ZC3H12D: variants seen among roughly 807,000 people sequenced by gnomAD.
ZC3H12D encodes probable ribonuclease ZC3H12D.
A neutral mutation model predicts 24.2 loss-of-function variants in ZC3H12D; 11 were observed. The observed-to-expected ratio is 0.46, with a 90% CI of 0.29 to 0.75. The LOEUF is 0.75. ZC3H12D is among the 30% of genes least tolerant of loss of function. The pLI, the probability that ZC3H12D is intolerant of heterozygous loss-of-function variation, is 0.11. For missense variants in ZC3H12D, 740 were observed against 767.7 expected (o/e 0.96, Z 0.43); for synonymous variants, 333 against 341.8 (o/e 0.97, Z 0.28).
chr6:149,480,603 G>A (rs745742829), intron 1 of ZC3H12D, among the ~76,000 whole-genome samples: 3 of 152,204 alleles, frequency 2.0e-5, no homozygotes, highest in Non-Finnish European at 2.9e-5. Flanking sequence ...GGGCGTGGTG[G>A]CGCATGCCTT....
At chr6:149,462,649 C>T (rs1381966277) in intron 2 of ZC3H12D, among the ~76,000 whole-genome samples, 1 of 152,178 alleles carries the variant, frequency 6.6e-6, no homozygotes, top group African/African-American at 2.4e-5. Flanking sequence ...GAGGCCAACC[C>T]TCCCTCAATC....
chr6:149,457,210 C>T (rs769046070), intron 3 of ZC3H12D, among the ~76,000 whole-genome samples: 8 of 152,216 alleles, frequency 5.3e-5, no homozygotes, highest in Non-Finnish European at 1.5e-5. Flanking sequence ...CAGCCCTTGT[C>T]CTTTTGAGGG....
intron 2 of ZC3H12D, among the ~76,000 whole-genome samples, chr6:149,467,654 C>T (rs1343657413): frequency 6.6e-6 from 1 of 152,130 alleles, no homozygotes; most frequent in Admixed American, 6.6e-5. Flanking sequence ...AGGAAGTGAC[C>T]TTGTCCCCAT....
At chr6:149,458,606 A>G in intron 3 of ZC3H12D, among the ~76,000 whole-genome samples, 1 of 152,224 alleles carries the variant, frequency 6.6e-6, no homozygotes, top group East Asian at 1.9e-4. Flanking sequence ...AGAAGAGGCA[A>G]GGACCTCTTC....
chr6:149,451,077 T>C lies in ZC3H12D; in HGVS notation c.1190A>G (p.Gln397Arg). The C allele has an allele frequency of 7.2e-7, 1 of 1,397,254 alleles. No individual in the cohort carries two copies. Among genetic ancestry groups the C allele is most frequent in the Non-Finnish European group, 9.2e-7 (1 of 1,081,414 alleles). 86.6% of individuals were successfully genotyped at this position (1,397,254 alleles called of 1,614,324 possible). Residue 397 changes from glutamine to arginine, a missense_variant, in exon 6 of 6, where the codon CAG becomes CGG. Transcript: ENST00000409806. ...GPLSLPSPESQFSPGDLPPPP... is the reference protein window; with the variant it reads ...GPLSLPSPESRFSPGDLPPPP... ...AGGCGGGAGGTCGCCCGGGGAGAACTGGCTCTCCGGGCTAGGGAGGCTGAG... is the reference window on the plus strand; with the variant it reads ...AGGCGGGAGGTCGCCCGGGGAGAACCGGCTCTCCGGGCTAGGGAGGCTGAG...
Position 149,466,021 on chromosome 6 carries a change from A to G in ZC3H12D, c.306-4051T>C, listed in dbSNP as rs528587432. On this transcript the variant is annotated intron_variant, in intron 2 of 5. Coordinates refer to ENST00000409806, the MANE Select transcript of ZC3H12D (RefSeq NM_207360.3). ...GTTTCTGCAAGGCTGCCTTGGAGGA[A>G]CATGACTTGGAGGAGAAGTGAGTCT... Among the ~76,000 whole-genome samples, 36 of 152,290 alleles carry G rather than the reference A, an allele frequency of 2.4e-4. 1 individual carries two copies. In the Middle Eastern group the frequency reaches 0.024, roughly 101 times the overall value.
Position 149,450,523 on chromosome 6 carries a change from A to G in ZC3H12D, c.*160T>C, listed in dbSNP as rs76605937. On this transcript the variant is annotated 3_prime_UTR_variant, in exon 6 of 6. Transcript: ENST00000409806. ...GATCACCAAGTGCCACCAGGCCCCC[A>G]CAACCCCGCTCAGGAGGAGGAAGCA... 4.0e-3 allele frequency: 3,198 copies of G among 797,424 alleles called. 64 individuals are homozygous for G. In the African/African-American group the frequency reaches 0.051, roughly 13 times the overall value. The allele number at this position is 797,424 out of a possible 1,614,324, so 49.4% of individuals were successfully genotyped here.
intron 3 of ZC3H12D, among the ~76,000 whole-genome samples, chr6:149,460,084 G>GT (rs1356936636): frequency 1.3e-5 from 2 of 152,196 alleles, no homozygotes; most frequent in African/African-American, 4.8e-5. Context: ...ACACTCTTCT[G>GT]TGCTGCCAGT....
At position 149,448,572 on chromosome 6, in the gene ZC3H12D, C is replaced by T. The variant is rs1167391749; in HGVS notation, c.*2111G>A. 1 of 152,126 alleles carries T rather than the reference C, an allele frequency of 6.6e-6. No homozygotes were observed. The allele number at this position is 152,126 out of a possible 1,614,324, so 9.4% of individuals were successfully genotyped here. On this transcript the variant is annotated 3_prime_UTR_variant, in exon 6 of 6. Coordinates refer to ENST00000409806, the MANE Select transcript of ZC3H12D (RefSeq NM_207360.3). ...CCCCTCCTCCCCCACCAAAAAAACC[C>T]ACACATATTATGAGGAAAATCCAAC...
At chr6:149,472,551 G>C (rs2115011038) in intron 2 of ZC3H12D, among the ~76,000 whole-genome samples, 1 of 141,902 alleles carries the variant, frequency 7.0e-6, no homozygotes, top group East Asian at 2.4e-4. Flanking sequence ...GAGGTGGGGG[G>C]CAGAGGTGGG....
At chr6:149,483,812 A>C (rs550774522) in intron 1 of ZC3H12D, among the ~76,000 whole-genome samples, 1 of 152,120 alleles carries the variant, frequency 6.6e-6, no homozygotes, top group Non-Finnish European at 1.5e-5. Context: ...TGGCCCCACA[A>C]AGTGCTGGGA....
chr6:149,467,436 T>C (rs1776180287), intron 2 of ZC3H12D, among the ~76,000 whole-genome samples: 1 of 152,124 alleles, frequency 6.6e-6, no homozygotes, highest in Non-Finnish European at 1.5e-5. Flanking sequence ...AAATTTGTTG[T>C]AGAGATGAGG....
rs1427569166 is a variant in ZC3H12D, at chr6:149,456,036, A to G, written c.680+630T>C. Among the ~76,000 whole-genome samples, 1 of 151,148 alleles carries G rather than the reference A, an allele frequency of 6.6e-6. No homozygotes were observed. Among genetic ancestry groups the G allele is most frequent in the African/African-American group, 2.4e-5 (1 of 41,182 alleles). On this transcript the variant is annotated intron_variant, in intron 4 of 5. Coordinates refer to ENST00000409806, the MANE Select transcript of ZC3H12D (RefSeq NM_207360.3). This position sits in a 1 kb window ranked among gnomAD's most constrained non-coding sequence, Gnocchi z 4.3. Reference sequence around the variant, plus strand: ...TGGGAAGCCGAGGTGGACAGATCACAAGGTCAGGAGATCGAGACCATCTGG... The same window carrying G: ...TGGGAAGCCGAGGTGGACAGATCACGAGGTCAGGAGATCGAGACCATCTGG...
rs1775827104 is a variant in ZC3H12D, at chr6:149,448,601, T to C, written c.*2082A>G. 6.6e-6 allele frequency: 1 copy of C among 152,148 alleles called. No homozygotes were observed. Among genetic ancestry groups the C allele is most frequent in the African/African-American group, 2.4e-5 (1 of 41,424 alleles). The allele number at this position is 152,148 out of a possible 1,614,324, so 9.4% of individuals were successfully genotyped here. ...CATATTATGAGGAAAATCCAACTTATTTACAAAGAATGGGTCATCTTCAGG... is the reference window on the plus strand; with the variant it reads ...CATATTATGAGGAAAATCCAACTTACTTACAAAGAATGGGTCATCTTCAGG... On this transcript the variant is annotated 3_prime_UTR_variant, in exon 6 of 6. Transcript: ENST00000409806.
chr6:149,460,888 C>T (rs928694656), intron 3 of ZC3H12D, among the ~76,000 whole-genome samples: 5 of 151,926 alleles, frequency 3.3e-5, no homozygotes, highest in African/African-American at 1.2e-4. Context: ...CCTATAGTCC[C>T]AGCTACTGAA....
chr6:149,476,360 C>T (rs1208440786), intron 1 of ZC3H12D, among the ~76,000 whole-genome samples: 1 of 152,130 alleles, frequency 6.6e-6, no homozygotes, highest in Admixed American at 6.6e-5. Context: ...CAAAAATTAG[C>T]CAGGCATGTG....
At chr6:149,457,013 G>C in intron 3 of ZC3H12D, 113 bp from the exon 4 acceptor site, 1 of 1,057,624 alleles carries the variant, frequency 9.5e-7, no homozygotes, top group Non-Finnish European at 1.3e-6. Context: ...GTTTTGAGGG[G>C]AGCGGGGAAA....
chr6:149,470,625 G>A (rs1269178327), intron 2 of ZC3H12D, among the ~76,000 whole-genome samples: 6 of 152,102 alleles, frequency 3.9e-5, no homozygotes, highest in Admixed American at 6.5e-5. Context: ...AGATGAAAAG[G>A]CCTTTTAAGG....
intron 2 of ZC3H12D, among the ~76,000 whole-genome samples, chr6:149,463,260 C>G (rs1229590158): frequency 2.0e-5 from 3 of 152,212 alleles, no homozygotes; most frequent in African/African-American, 7.2e-5. Flanking sequence ...CCATAGAAGA[C>G]TTCAATGGAG....
Sources: gnomAD v4.1 joint callset for allele counts (sites outside exome capture counted in the v4.1 genomes callset) on GRCh38, gnomAD v4.1.1 for gene constraint, Gnocchi (gnomAD v3.1) non-coding constraint, MANE v1.5 for transcripts, NCBI Gene and HGNC (gene_info 2026-07-23, HGNC 2026-07-21) for gene names.